Variants in KDM6A observed in about 807,000 individuals in gnomAD.
The protein encoded by KDM6A is lysine demethylase 6A, also known as lysine-specific demethylase 6A.
A neutral mutation model predicts 117.6 loss-of-function variants in KDM6A; 11 were observed. The observed-to-expected ratio is 0.09, with a 90% confidence interval of 0.06 to 0.15. The LOEUF is 0.15. Among genes scored for constraint, KDM6A ranks in the 10% least tolerant of loss-of-function variants. The pLI, the probability that KDM6A is intolerant of heterozygous loss-of-function variation, is 1.00. For synonymous variants in KDM6A, 384 were observed against 396.1 expected (o/e 0.97, Z 0.36); for missense variants, 799 against 1,077.3 (o/e 0.74, Z 3.62).
intron 6 of KDM6A, among the ~76,000 whole-genome samples, chrX:45,034,531 T>G (rs1437753072): frequency 8.9e-6 from 1 of 111,750 alleles, no homozygotes; most frequent in Non-Finnish European, 1.9e-5. Context: ...CATTTTGAGA[T>G]AAGCAGTGGT....
chrX:44,990,354 C>T (rs770998470), intron 4 of KDM6A, among the ~76,000 whole-genome samples: 17 of 110,535 alleles, frequency 1.5e-4, no homozygotes, highest in Admixed American at 3.9e-4. Flanking sequence ...GCCTGGTTAA[C>T]GTGGTGAAAC....
intron 8 of KDM6A, among the ~76,000 whole-genome samples, chrX:45,039,503 ATTTTTTTTT>A (rs756202597): frequency 1.8e-4 from 11 of 61,256 alleles, no homozygotes; most frequent in Non-Finnish European, 2.8e-4. Flanking sequence ...TCATTTGATA[ATTTTTTTTT>A]TTTTTTTTTT....
At chrX:44,985,234 C>T (rs1475374647) in intron 4 of KDM6A, among the ~76,000 whole-genome samples, 1 of 111,690 alleles carries the variant, frequency 9.0e-6, no homozygotes, top group Non-Finnish European at 1.9e-5. Context: ...TATAAGAATG[C>T]TTATGATTTT....
chrX:45,090,823 A>G lies in KDM6A; in HGVS notation c.3993A>G (p.Arg1331=). 8.3e-7 allele frequency: 1 copy of G among 1,210,574 alleles called. No individual in the cohort carries two copies. The highest frequency in any genetic ancestry group is 1.1e-6 in the Non-Finnish European group (1 of 894,583). ...TTCATCTTTCCTGGAATATGGCACG[A>G]AATATCAAGGTCTCAGATCCAAAGC... ...PMVHLSWNMA[R]NIKVSDPKLF... Residue 1331 remains arginine, a synonymous_variant, in exon 27 of 30, where the codon CGA becomes CGG. Coordinates refer to ENST00000611820, the MANE Select transcript of KDM6A (RefSeq NM_001291415.2).
At chrX:45,068,501 T>TA (rs1418882392) in intron 17 of KDM6A, among the ~76,000 whole-genome samples, 2 of 103,603 alleles carry the variant, frequency 1.9e-5, no homozygotes, top group South Asian at 8.9e-4. Flanking sequence ...TGATGAAAAA[T>TA]AAAGTTTATC....
At chrX:44,887,454 A>T (rs2032985072) in intron 2 of KDM6A, among the ~76,000 whole-genome samples, 1 of 111,145 alleles carries the variant, frequency 9.0e-6, no homozygotes, top group African/African-American at 3.3e-5. Context: ...AAATGATGTG[A>T]GTATGTCAGG....
chrX:45,037,674 C>G lies in KDM6A; in HGVS notation c.639C>G (p.His213Gln). The change falls in exon 8 of 30, where the codon CAC becomes CAG. Residue 213 changes from histidine to glutamine, a missense_variant. His to Gln is a conservative substitution (Grantham distance 24). This residue lies in a region of KDM6A where 63 missense variants were observed against 68.2 expected (regional missense o/e 0.92). Coordinates refer to ENST00000611820, the MANE Select transcript of KDM6A (RefSeq NM_001291415.2). ...TTGCAGTTCAATTTCACATTGCCCACTTATATGAAACCCAGGTAAGTATTT... is the reference window on the plus strand; with the variant it reads ...TTGCAGTTCAATTTCACATTGCCCAGTTATATGAAACCCAGGTAAGTATTT... ...SNAEIQFHIA[H>Q]LYETQRKYHS... The G allele has an allele frequency of 8.3e-7, 1 of 1,203,126 alleles. No individual in the cohort carries two copies. The highest frequency in any genetic ancestry group is 1.1e-6 in the Non-Finnish European group (1 of 888,497).
chrX:44,928,942 A>G (rs1396014937), intron 2 of KDM6A, among the ~76,000 whole-genome samples: 1 of 111,138 alleles, frequency 9.0e-6, no homozygotes, highest in Non-Finnish European at 1.9e-5. Context: ...TTTACTATAT[A>G]TTTTTTTGAG....
chrX:45,067,738 C>T (rs113059203), intron 17 of KDM6A, among the ~76,000 whole-genome samples: 11,823 of 104,968 alleles, frequency 0.11, 874 homozygotes, highest in African/African-American at 0.25. Flanking sequence ...CTGCAACCTC[C>T]GCCTCCTAGG....
At chrX:45,000,578 C>T (rs965921815) in intron 4 of KDM6A, among the ~76,000 whole-genome samples, 2 of 112,504 alleles carry the variant, frequency 1.8e-5, no homozygotes, top group Non-Finnish European at 3.8e-5. Flanking sequence ...CGGGGATGAA[C>T]AAGGGCTGAC....
chrX:44,919,911 A>G (rs763817457), intron 2 of KDM6A, among the ~76,000 whole-genome samples: 2 of 111,605 alleles, frequency 1.8e-5, no homozygotes, highest in African/African-American at 6.5e-5. Context: ...CGCCTGGCCC[A>G]ATTTGCCTTT....
intron 8 of KDM6A, among the ~76,000 whole-genome samples, chrX:45,048,328 A>G (rs1277241676): frequency 1.8e-5 from 2 of 110,628 alleles, no homozygotes; most frequent in Non-Finnish European, 3.8e-5. Flanking sequence ...GATTGACTAT[A>G]TTTTTCTGAA....
intron 25 of KDM6A, among the ~76,000 whole-genome samples, chrX:45,088,830 T>G (rs1223985942): frequency 8.8e-6 from 1 of 113,059 alleles, no homozygotes. Context: ...AAAAGCTTAA[T>G]AATATCTAAG....
chrX:44,976,992 T>C (rs183180255), intron 4 of KDM6A, among the ~76,000 whole-genome samples: 7 of 111,722 alleles, frequency 6.3e-5, no homozygotes, highest in Admixed American at 2.9e-4. Flanking sequence ...CTCAGCACTT[T>C]TAATTATCTA....
At chrX:45,069,520 A>G in intron 17 of KDM6A, 59 bp from the exon 18 acceptor site, 1 of 990,210 alleles carries the variant, frequency 1.0e-6, no homozygotes, top group South Asian at 2.1e-5. Context: ...AATATTTTAA[A>G]TTCTGTATAT....
intron 18 of KDM6A, among the ~76,000 whole-genome samples, chrX:45,071,084 T>C (rs1282870023): frequency 1.8e-5 from 2 of 112,303 alleles, no homozygotes; most frequent in African/African-American, 3.2e-5. Context: ...ATGACACATA[T>C]ATAATTTTTC....
intron 27 of KDM6A, among the ~76,000 whole-genome samples, chrX:45,099,215 C>T (rs1163527615): frequency 9.0e-6 from 1 of 110,703 alleles, no homozygotes; most frequent in Non-Finnish European, 1.9e-5. Context: ...TACGATTTAC[C>T]ATATCTAGGA....
At chrX:45,046,855 C>T (rs1030325281) in intron 8 of KDM6A, among the ~76,000 whole-genome samples, 2 of 111,225 alleles carry the variant, frequency 1.8e-5, no homozygotes, top group Non-Finnish European at 3.8e-5. Flanking sequence ...CATGTAGAAG[C>T]TGAGTATATC....
chrX:45,080,704 A>G (rs1162633427), intron 21 of KDM6A, among the ~76,000 whole-genome samples: 4 of 112,301 alleles, frequency 3.6e-5, no homozygotes, highest in African/African-American at 1.3e-4. Context: ...AATAAAAACT[A>G]TCCTGTGACT....
Sources: gnomAD v4.1 joint callset for allele counts (sites outside exome capture counted in the v4.1 genomes callset) on GRCh38, gnomAD v4.1.1 for gene constraint, gnomAD v4.1.1 regional missense constraint, MANE v1.5 for transcripts, NCBI Gene and HGNC (gene_info 2026-07-23, HGNC 2026-07-21) for gene names.